Variants in NINL observed in about 807,000 individuals in gnomAD.
NINL encodes ninein like.
In NINL, 153 loss-of-function variants were observed where a neutral mutation model predicts 160.3. The observed-to-expected ratio is 0.95, with a 90% confidence interval of 0.84 to 1.09. The LOEUF (loss-of-function observed/expected upper bound fraction) is 1.09. Among genes scored for constraint, NINL ranks in the 50% least tolerant of loss-of-function variants. NINL has a pLI of 0.00. For missense variants in NINL, 1,829 were observed against 1,764.0 expected (o/e 1.04, Z -0.66); for synonymous variants, 800 against 734.8 (o/e 1.09, Z -1.43).
rs115908928 is a variant in NINL, at chr20:25,527,180, G to T, written c.-11-582C>A. ...GATTTTTTTTTTTTTGGGAGACAGG[G>T]TCTTGCTCTATTGCCCAGGCTGGAG... On this transcript the variant is annotated intron_variant, in intron 1 of 23. Transcript: ENST00000278886. Among the ~76,000 whole-genome samples the T allele has an allele frequency of 2.0e-5, 3 of 151,718 alleles. No individual in the cohort carries two copies. In the East Asian group the frequency reaches 5.8e-4, roughly 29 times the overall value.
intron 20 of NINL, 35 bp from the exon 21 acceptor site, chr20:25,461,670 G>T: frequency 1.5e-6 from 2 of 1,360,528 alleles, no homozygotes; most frequent in Non-Finnish European, 1.0e-6. Context: ...AAGTCAAGAA[G>T]TATCTGAAGA....
At chr20:25,487,065 A>C (rs983459529) in intron 13 of NINL, among the ~76,000 whole-genome samples, 1 of 152,204 alleles carries the variant, frequency 6.6e-6, no homozygotes, top group African/African-American at 2.4e-5. Context: ...ACACGGAAAG[A>C]ATGAGCTGTA....
chr20:25,453,961 A>G (rs1301376572), intron 23 of NINL, among the ~76,000 whole-genome samples: 1 of 152,078 alleles, frequency 6.6e-6, no homozygotes, highest in South Asian at 2.1e-4. Context: ...CTGAGGCAGG[A>G]GAATGGTGTG....
chr20:25,475,023 T>C (rs1226026686), intron 17 of NINL, among the ~76,000 whole-genome samples: 3 of 152,026 alleles, frequency 2.0e-5, no homozygotes, highest in Non-Finnish European at 4.4e-5. Context: ...CCTCAGGTGA[T>C]CCACCCACCT....
At position 25,453,560 on chromosome 20, in the gene NINL, G is replaced by A; in HGVS notation, c.4040C>T (p.Thr1347Ile). The stretch of plus-strand genomic sequence containing the variant: ...CTCGGCGCCTCGCTGCTTCTCCTCG[G>A]TGGCCTGAAGTGCTCTCACCAGGTG... The part of the protein sequence containing the change: ...NAHLVRALQA[T>I]EEKQRGAEKQ... Residue 1347 changes from threonine (T) to isoleucine (I), a missense_variant, in exon 24 of 24, where the codon ACC (threonine) becomes ATC (isoleucine). By Grantham distance (89) the Thr-to-Ile change is moderately conservative (BLOSUM62 -1). Transcript: ENST00000278886. The A allele has an allele frequency of 6.2e-7, 1 of 1,614,140 alleles. No homozygotes were observed. The highest frequency in any genetic ancestry group is 8.5e-7 in the Non-Finnish European group (1 of 1,180,010).
chr20:25,461,143 G>T (rs1012028162), intron 21 of NINL, among the ~76,000 whole-genome samples: 2 of 152,218 alleles, frequency 1.3e-5, no homozygotes, highest in Non-Finnish European at 2.9e-5. Flanking sequence ...GTGTACAGAG[G>T]CCAGTGTCAT....
intron 4 of NINL, among the ~76,000 whole-genome samples, chr20:25,511,977 T>C (rs948881930): frequency 6.6e-6 from 1 of 152,174 alleles, no homozygotes; most frequent in African/African-American, 2.4e-5. Context: ...TTTGGAATCC[T>C]TGAAAATGGT....
intron 1 of NINL, among the ~76,000 whole-genome samples, chr20:25,582,255 AAAAC>A (rs371232744): frequency 1.8e-4 from 27 of 152,176 alleles, no homozygotes; most frequent in Non-Finnish European, 2.1e-4. Flanking sequence ...CTCCATATCA[AAAAC>A]AAACAAACAA....
At chr20:25,515,200 C>T (rs932511017) in intron 3 of NINL, among the ~76,000 whole-genome samples, 1 of 152,222 alleles carries the variant, frequency 6.6e-6, no homozygotes. Flanking sequence ...AGGATGGGAG[C>T]CCACCCCTTG....
rs747743607 is a variant in NINL at position 25,526,558 on chromosome 20, C to T, written c.30G>A (p.Ser10=). The T allele has an allele frequency of 8.7e-6, 14 of 1,614,022 alleles. No homozygotes were observed. Among genetic ancestry groups the T allele is most frequent in the African/African-American group, 2.7e-5 (2 of 74,932 alleles). Reference sequence around the variant, plus strand: ...AGCTGCTGTAGACTTCCCTGAGCTGCGAGACATAGTGGTTCTCTTCTTCAT... The same window carrying T: ...AGCTGCTGTAGACTTCCCTGAGCTGTGAGACATAGTGGTTCTCTTCTTCAT... MDEEENHYV[S]QLREVYSSCD... The change falls in exon 2 of 24, where the codon TCG becomes TCA. Residue 10 remains serine (S), a synonymous_variant. Transcript: ENST00000278886.
At position 25,564,380 on chromosome 20, in the gene NINL, C is replaced by T. The variant is rs368453263; in HGVS notation, c.-12+21075G>A. Among the ~76,000 whole-genome samples the T allele has an allele frequency of 9.9e-5, 15 of 152,244 alleles. No homozygotes were observed. The East Asian group carries it at 1.4e-3, about 14-fold the overall frequency. On this transcript the variant is annotated intron_variant, in intron 1 of 23. Coordinates refer to ENST00000278886, the MANE Select transcript of NINL (RefSeq NM_025176.6). ...TTGCCCAGGCTGGAATGCAATGGCA[C>T]AATCTCAGCTCACTGCAACCTCCAC... is the stretch of plus-strand genomic sequence containing the variant.
chr20:25,464,966 G>A (rs1483997887), intron 19 of NINL, among the ~76,000 whole-genome samples: 4 of 152,206 alleles, frequency 2.6e-5, no homozygotes, highest in African/African-American at 9.7e-5. Context: ...TCCTGGTGGC[G>A]TTCACGCTGG....
chr20:25,535,476 T>A (rs437278), intron 1 of NINL, among the ~76,000 whole-genome samples: 53 of 152,336 alleles, frequency 3.5e-4, no homozygotes, highest in African/African-American at 1.3e-3. Flanking sequence ...AACAATTTTA[T>A]AATGTATACA....
chr20:25,580,604 T>C (rs1233379176), intron 1 of NINL, among the ~76,000 whole-genome samples: 3 of 152,134 alleles, frequency 2.0e-5, no homozygotes, highest in African/African-American at 4.8e-5. Context: ...GAAAGGGAAG[T>C]ACAACCAGGC....
At position 25,458,721 on chromosome 20, in the gene NINL, C is replaced by A. The variant is rs139000561; in HGVS notation, c.3697-192G>T. 5 of 621,240 alleles carry A rather than the reference C, an allele frequency of 8.0e-6. No homozygotes were observed. In the South Asian group the frequency reaches 8.1e-5, roughly 10 times the overall value. 38.5% of individuals were successfully genotyped at this position (621,240 alleles called of 1,614,324 possible). ...GGACAGCCAGGCTGCTGTCAGCCAG[C>A]GCTTCCACACAGTGCTAGAGTGCAG... On this transcript the variant is annotated intron_variant, in intron 21 of 23. Coordinates refer to ENST00000278886, the MANE Select transcript of NINL (RefSeq NM_025176.6).
chr20:25,465,011 T>A (rs1432704514), intron 19 of NINL, among the ~76,000 whole-genome samples: 1 of 152,220 alleles, frequency 6.6e-6, no homozygotes, highest in African/African-American at 2.4e-5. Context: ...TTCATCTGGC[T>A]TTCACTGCAG....
intron 2 of NINL, among the ~76,000 whole-genome samples, chr20:25,523,215 T>TGAATATATATATATGAGA (rs1267150022): frequency 4.6e-5 from 7 of 152,150 alleles, no homozygotes; most frequent in South Asian, 2.1e-4. Context: ...TTTCTTTTTC[T>TGAATATATATATATGAGA]GAATATATAT....
In NINL at chr20:25,512,958, TACCACTTAGA is replaced by T; in HGVS notation, c.316_325del (p.Ser106MetfsTer28). 6.2e-7 allele frequency: 1 copy of T among 1,614,054 alleles called. No individual in the cohort carries two copies. Among genetic ancestry groups the T allele is most frequent in the Non-Finnish European group, 8.5e-7 (1 of 1,179,926 alleles). ...TAGCTCAGGCCGGCTCCGACGGCCA[TACCACTTAGA>T]ACCATTCACATACTTTGGAGGGATG... On this transcript the variant is annotated frameshift_variant, in exon 4 of 24. Coordinates refer to ENST00000278886, the MANE Select transcript of NINL (RefSeq NM_025176.6). LOFTEE classifies it high-confidence loss of function.
intron 13 of NINL, among the ~76,000 whole-genome samples, chr20:25,485,996 G>T (rs2063497169): frequency 6.6e-6 from 1 of 152,198 alleles, no homozygotes; most frequent in African/African-American, 2.4e-5. Flanking sequence ...GTGGTTTGCT[G>T]ATGTTTCCTT....
Sources: allele counts gnomAD v4.1 joint callset (sites outside exome capture counted in the v4.1 genomes callset), GRCh38; gene constraint gnomAD v4.1.1; transcripts MANE v1.5; gene names NCBI Gene and HGNC (gene_info 2026-07-23, HGNC 2026-07-21).